CTNNA3: variants seen among roughly 807,000 people sequenced by gnomAD.
The protein encoded by CTNNA3 is catenin alpha-3.
Under a neutral mutation model 95.7 loss-of-function variants are expected in CTNNA3, and 76 were observed. The observed-to-expected ratio is 0.79, with a 90% CI of 0.66 to 0.96. The LOEUF (loss-of-function observed/expected upper bound fraction) is 0.96. Ranked by LOEUF, CTNNA3 falls within the 40% of genes least tolerant of loss-of-function variation. The pLI is 0.00. For synonymous variants in CTNNA3, 431 were observed against 374.4 expected, an observed-to-expected ratio of 1.15 and a Z score of -1.74; for missense variants, 1,191 against 1,089.8, an observed-to-expected ratio of 1.09 and a Z score of -1.31.
rs115179039 is a variant in CTNNA3 at position 67,060,774 on chromosome 10, T to C, written c.1047+119543A>G. On this transcript the variant is annotated intron_variant, in intron 7 of 17. Coordinates refer to ENST00000433211, the MANE Select transcript of CTNNA3 (RefSeq NM_013266.4). ...GCCTCTGTCAGCCTAGGTTCCTGAG[T>C]GACTATGGTCCTTAAAACTAGGTGT... Among the ~76,000 whole-genome samples the C allele has an allele frequency of 5.2e-3, 798 of 152,316 alleles. 3 individuals carry two copies. Among genetic ancestry groups the C allele is most frequent in the African/African-American group, 0.018 (762 of 41,574 alleles).
In CTNNA3 at chr10:67,092,351, CA is replaced by C. The variant is rs766624870; in HGVS notation, c.1047+87965del. ...ATCTCTATTCAGACATAACACTTAC[CA>C]AGCAAACTAGAGAGAGAATTCTAGA... On this transcript the variant is annotated intron_variant, in intron 7 of 17. Transcript: ENST00000433211. Among the ~76,000 whole-genome samples, 8 of 151,948 alleles carry C rather than the reference CA, an allele frequency of 5.3e-5. No homozygotes were observed. The South Asian group carries it at 1.7e-3, about 32-fold the overall frequency.
intron 5 of CTNNA3, among the ~76,000 whole-genome samples, chr10:67,285,390 G>T (rs1274284429): frequency 6.6e-6 from 1 of 152,144 alleles, no homozygotes; most frequent in Non-Finnish European, 1.5e-5. Context: ...AGCTAGCAGA[G>T]ATTTTACAAA....
At chr10:66,872,995 C>A (rs2132445364) in intron 7 of CTNNA3, among the ~76,000 whole-genome samples, 1 of 152,282 alleles carries the variant, frequency 6.6e-6, no homozygotes, top group South Asian at 2.1e-4. Context: ...TGGCCTCCAG[C>A]TGCATCCGTA....
chr10:66,157,487 ATATG>A (rs3053723), intron 13 of CTNNA3, among the ~76,000 whole-genome samples: 345 of 104,568 alleles, frequency 3.3e-3, no homozygotes, highest in African/African-American at 0.012. Flanking sequence ...AGATAGATAG[ATATG>A]TAGATAGATA....
In CTNNA3 at chr10:65,992,644, A is replaced by G. The variant is rs899778141; in HGVS notation, c.2160-3847T>C. Among the ~76,000 whole-genome samples, 8 of 152,046 alleles carry G rather than the reference A, an allele frequency of 5.3e-5. No individual in the cohort carries two copies. In the East Asian group the frequency reaches 1.5e-3, roughly 29 times the overall value. ...TTGGGTATTCTCTCTTTTCTTGGTT[A>G]GTCTTGCTAGCAGGTTATTTAATTT... On this transcript the variant is annotated intron_variant, in intron 15 of 17. Transcript: ENST00000433211.
chr10:66,110,946 G>A (rs2082100101), intron 13 of CTNNA3, among the ~76,000 whole-genome samples: 1 of 152,126 alleles, frequency 6.6e-6, no homozygotes, highest in Non-Finnish European at 1.5e-5. Flanking sequence ...AATACTATAG[G>A]CAACTGTAAC....
At chr10:67,499,062 G>A (rs575864485) in intron 5 of CTNNA3, among the ~76,000 whole-genome samples, 4 of 152,288 alleles carry the variant, frequency 2.6e-5, no homozygotes, top group Admixed American at 2.0e-4. Flanking sequence ...TGTGATGTTG[G>A]CTGTGGGTTT....
chr10:67,460,402 T>C (rs934921262), intron 5 of CTNNA3, among the ~76,000 whole-genome samples: 1 of 152,198 alleles, frequency 6.6e-6, no homozygotes, highest in South Asian at 2.1e-4. Flanking sequence ...CTGGCTCGTT[T>C]GGTTTAAGAG....
intron 10 of CTNNA3, among the ~76,000 whole-genome samples, chr10:66,539,415 G>A (rs1374666215): frequency 6.6e-6 from 1 of 152,108 alleles, no homozygotes; most frequent in Non-Finnish European, 1.5e-5. Flanking sequence ...CTGGGTAGGT[G>A]GAGGAATGAG....
At chr10:66,501,525 C>A (rs1840275953) in intron 11 of CTNNA3, among the ~76,000 whole-genome samples, 1 of 152,088 alleles carries the variant, frequency 6.6e-6, no homozygotes, top group Admixed American at 6.6e-5. Context: ...ATAGTAATTG[C>A]TCAATAAGTA....
chr10:66,094,104 G>A (rs56330416), intron 14 of CTNNA3, among the ~76,000 whole-genome samples: 9,434 of 152,136 alleles, frequency 0.062, 973 homozygotes, highest in African/African-American at 0.22. Context: ...TCAGACTTGC[G>A]TATCAGAGAA....
At chr10:67,729,773 G>C (rs1564842210) in intron 1 of CTNNA3, among the ~76,000 whole-genome samples, 1 of 152,132 alleles carries the variant, frequency 6.6e-6, no homozygotes, top group African/African-American at 2.4e-5. Flanking sequence ...GAACTAGATA[G>C]AGGAGGTAGT....
intron 5 of CTNNA3, among the ~76,000 whole-genome samples, chr10:67,331,843 T>C (rs1841807183): frequency 6.6e-6 from 1 of 152,158 alleles, no homozygotes; most frequent in African/African-American, 2.4e-5. Flanking sequence ...AAGGAAAATT[T>C]CAAACATAAT....
chr10:66,407,027 C>G (rs1405267138), intron 11 of CTNNA3, among the ~76,000 whole-genome samples: 2 of 151,998 alleles, frequency 1.3e-5, no homozygotes, highest in South Asian at 2.1e-4. Context: ...TATGAATTTT[C>G]TCTTCAAAGG....
chr10:67,068,080 A>C (rs769905209), intron 7 of CTNNA3, among the ~76,000 whole-genome samples: 2 of 152,244 alleles, frequency 1.3e-5, no homozygotes, highest in Non-Finnish European at 2.9e-5. Flanking sequence ...AGAATGTATC[A>C]GCTGAGTATC....
intron 6 of CTNNA3, among the ~76,000 whole-genome samples, chr10:67,196,723 C>G (rs2132193493): frequency 6.6e-6 from 1 of 152,082 alleles, no homozygotes; most frequent in East Asian, 1.9e-4. Context: ...ATATGATAAA[C>G]TTTGAAGGAT....
At chr10:67,598,344 T>C (rs982427122) in intron 3 of CTNNA3, among the ~76,000 whole-genome samples, 2 of 152,146 alleles carry the variant, frequency 1.3e-5, no homozygotes, top group Non-Finnish European at 2.9e-5. Context: ...CAGGCCACTC[T>C]ATGCCTATTT....
At chr10:66,018,129 T>A (rs1255539127) in intron 15 of CTNNA3, among the ~76,000 whole-genome samples, 1 of 150,394 alleles carries the variant, frequency 6.6e-6, no homozygotes, top group Non-Finnish European at 1.5e-5. Context: ...AAGATATACA[T>A]ACCCATAGCC....
chr10:66,039,137 C>T (rs1045355070), intron 15 of CTNNA3, among the ~76,000 whole-genome samples: 9 of 152,180 alleles, frequency 5.9e-5, no homozygotes, highest in Non-Finnish European at 1.0e-4. Context: ...AATGCAATCT[C>T]ATTCACAATT....
Sources: gnomAD v4.1 joint callset for allele counts (sites outside exome capture counted in the v4.1 genomes callset) on GRCh38, gnomAD v4.1.1 for gene constraint, MANE v1.5 for transcripts, NCBI Gene and HGNC (gene_info 2026-07-23, HGNC 2026-07-21) for gene names.